Variants in RABGAP1L observed in about 807,000 individuals in gnomAD.
RABGAP1L encodes the protein rab GTPase-activating protein 1-like.
RABGAP1L carries 63 observed loss-of-function variants against 137.7 expected under a neutral mutation model. The observed-to-expected ratio is 0.46, with a 90% CI of 0.37 to 0.56. The LOEUF is 0.56. RABGAP1L is among the 20% of genes least tolerant of loss of function. The probability of loss-of-function intolerance (pLI) is 0.00; values close to 1 mark genes in which losing one functional copy is unlikely to be tolerated. For missense variants in RABGAP1L, 1,095 were observed against 1,244.0 expected, an observed-to-expected ratio of 0.88 and a Z score of 1.80; for synonymous variants, 431 against 433.7, an observed-to-expected ratio of 0.99 and a Z score of 0.08.
chr1:174,358,110 C>T (rs571708312), intron 11 of RABGAP1L, among the ~76,000 whole-genome samples: 5 of 151,598 alleles, frequency 3.3e-5, no homozygotes, highest in South Asian at 4.2e-4. Context: ...GAGTGACTGG[C>T]GAACAAAATT....
chr1:174,453,511 G>C (rs947032347), intron 13 of RABGAP1L, among the ~76,000 whole-genome samples: 3 of 152,170 alleles, frequency 2.0e-5, no homozygotes, highest in Admixed American at 6.5e-5. Context: ...AAATCTGCTG[G>C]TATAACATTC....
chr1:174,623,987 A>G (rs1473476169), intron 13 of RABGAP1L, among the ~76,000 whole-genome samples: 1 of 152,254 alleles, frequency 6.6e-6, no homozygotes, highest in Non-Finnish European at 1.5e-5. Context: ...CAAAACTGAG[A>G]CTTCAGAGAC....
chr1:174,334,937 A>T (rs973719213), intron 11 of RABGAP1L, among the ~76,000 whole-genome samples: 2 of 152,184 alleles, frequency 1.3e-5, no homozygotes, highest in African/African-American at 2.4e-5. Context: ...TACAATTTTC[A>T]ATTAATTATT....
At chr1:174,316,561 T>C (rs1465695438) in intron 11 of RABGAP1L, among the ~76,000 whole-genome samples, 1 of 152,150 alleles carries the variant, frequency 6.6e-6, no homozygotes, top group African/African-American at 2.4e-5. Flanking sequence ...GAGACTCTTG[T>C]TCTCTTTTCT....
intron 11 of RABGAP1L, among the ~76,000 whole-genome samples, chr1:174,336,641 A>T (rs1347138836): frequency 3.9e-5 from 6 of 152,328 alleles, no homozygotes; most frequent in African/African-American, 1.4e-4. Flanking sequence ...TTTCCTAAAA[A>T]ATGTCTGGAT....
intron 19 of RABGAP1L, among the ~76,000 whole-genome samples, chr1:174,916,478 G>A (rs1285895832): frequency 6.6e-6 from 1 of 152,204 alleles, no homozygotes; most frequent in East Asian, 1.9e-4. Context: ...TAAGAAGCAT[G>A]TCAACCCAGA....
At chr1:174,240,857 A>T (rs1171280090) in intron 4 of RABGAP1L, among the ~76,000 whole-genome samples, 1 of 152,170 alleles carries the variant, frequency 6.6e-6, no homozygotes, top group East Asian at 1.9e-4. Flanking sequence ...TTAGCTTTGG[A>T]GTAAATGAGT....
chr1:174,699,702 A>C, intron 16 of RABGAP1L, 52 bp downstream of exon 16: 1 of 1,507,612 alleles, frequency 6.6e-7, no homozygotes, highest in African/African-American at 1.4e-5. Context: ...GAGTCATAGA[A>C]AAAGCCTAAT....
chr1:174,760,513 C>T (rs1360589226), intron 18 of RABGAP1L, among the ~76,000 whole-genome samples: 1 of 152,214 alleles, frequency 6.6e-6, no homozygotes, highest in East Asian at 1.9e-4. Flanking sequence ...ATCTCATTCT[C>T]CTTATGGATG....
intron 18 of RABGAP1L, among the ~76,000 whole-genome samples, chr1:174,786,737 T>A (rs1687473518): frequency 6.6e-6 from 1 of 152,260 alleles, no homozygotes; most frequent in Non-Finnish European, 1.5e-5. Flanking sequence ...TGCTTTCATT[T>A]TGAACTTTCT....
intron 19 of RABGAP1L, among the ~76,000 whole-genome samples, chr1:174,873,755 C>T (rs1308164786): frequency 6.6e-6 from 1 of 152,116 alleles, no homozygotes; most frequent in Non-Finnish European, 1.5e-5. Context: ...GTGATCCACG[C>T]ACCTCGTCCT....
At chr1:174,269,189 C>T (rs1380358377) in intron 7 of RABGAP1L, among the ~76,000 whole-genome samples, 1 of 152,240 alleles carries the variant, frequency 6.6e-6, no homozygotes, top group Non-Finnish European at 1.5e-5. Flanking sequence ...GTGATCCGCC[C>T]ACCTCGGCCT....
At chr1:174,654,638 A>T (rs1457605148) in intron 14 of RABGAP1L, among the ~76,000 whole-genome samples, 1 of 152,176 alleles carries the variant, frequency 6.6e-6, no homozygotes, top group Admixed American at 6.5e-5. Context: ...TTTTTAAAAA[A>T]AATATGGTGT....
chr1:174,204,344 C>T (rs984104965), intron 1 of RABGAP1L, among the ~76,000 whole-genome samples: 2 of 152,086 alleles, frequency 1.3e-5, no homozygotes, highest in African/African-American at 2.4e-5. Context: ...GATATAGAGT[C>T]GTGTTATCTG....
At chr1:174,247,242 T>C (rs956373490) in intron 5 of RABGAP1L, among the ~76,000 whole-genome samples, 2 of 152,182 alleles carry the variant, frequency 1.3e-5, no homozygotes, top group Non-Finnish European at 2.9e-5. Context: ...TAAATATGGC[T>C]GGGGTTTAAC....
At chr1:174,711,735 C>T (rs1489662914) in intron 17 of RABGAP1L, among the ~76,000 whole-genome samples, 1 of 152,236 alleles carries the variant, frequency 6.6e-6, no homozygotes, top group Non-Finnish European at 1.5e-5. Flanking sequence ...ACTGGCACTG[C>T]CCCCTACTCC....
intron 13 of RABGAP1L, among the ~76,000 whole-genome samples, chr1:174,480,454 G>C (rs1467470075): frequency 6.6e-6 from 1 of 152,184 alleles, no homozygotes; most frequent in Non-Finnish European, 1.5e-5. Context: ...AGGATAAATT[G>C]AATTAAAGCA....
intron 17 of RABGAP1L, among the ~76,000 whole-genome samples, chr1:174,707,444 CA>C (rs1680139954): frequency 6.6e-6 from 1 of 152,086 alleles, no homozygotes; most frequent in East Asian, 1.9e-4. Context: ...GAAAATCCAG[CA>C]AAGTATTTTC....
chr1:174,391,167 C>A (rs1231163112), intron 12 of RABGAP1L, among the ~76,000 whole-genome samples: 1 of 152,060 alleles, frequency 6.6e-6, no homozygotes, highest in African/African-American at 2.4e-5. Flanking sequence ...GAAAACTTTT[C>A]AAGGAGAGAT....
Sources: allele counts gnomAD v4.1 joint callset (sites outside exome capture counted in the v4.1 genomes callset), GRCh38; gene constraint gnomAD v4.1.1; transcripts MANE v1.5; gene names NCBI Gene and HGNC (gene_info 2026-07-23, HGNC 2026-07-21).